Variants in ASAP1 observed in about 807,000 individuals in gnomAD.
ASAP1 encodes the protein ArfGAP with SH3 domain, ankyrin repeat and PH domain 1, also known as arf-GAP with SH3 domain, ANK repeat and PH domain-containing protein 1.
Under a neutral mutation model 145.2 loss-of-function variants are expected in ASAP1, and 43 were observed. The observed-to-expected ratio is 0.30, with a 90% confidence interval of 0.23 to 0.38. The LOEUF (loss-of-function observed/expected upper bound fraction) is 0.38. Ranked by LOEUF, ASAP1 falls within the 10% of genes least tolerant of loss-of-function variation. The probability of loss-of-function intolerance (pLI) is 1.00; values close to 1 mark genes in which losing one functional copy is unlikely to be tolerated. For missense variants in ASAP1, 1,018 were observed against 1,355.3 expected, an observed-to-expected ratio of 0.75 and a Z score of 3.91; for synonymous variants, 546 against 515.5, an observed-to-expected ratio of 1.06 and a Z score of -0.80.
chr8:130,345,832 C>A (rs1239563645), intron 3 of ASAP1, among the ~76,000 whole-genome samples: 1 of 152,198 alleles, frequency 6.6e-6, no homozygotes, highest in Admixed American at 6.5e-5. Flanking sequence ...CAAAAAGTGA[C>A]AGCCAACTCT....
chr8:130,430,613 G>A (rs894626251), intron 1 of ASAP1, among the ~76,000 whole-genome samples: 4 of 152,180 alleles, frequency 2.6e-5, no homozygotes, highest in African/African-American at 9.7e-5. Context: ...ATTTCCCTGA[G>A]GCAGCTCAGA....
chr8:130,246,834 C>T (rs1399417089), intron 3 of ASAP1: 1 of 152,214 alleles, frequency 6.6e-6, no homozygotes, highest in African/African-American at 2.4e-5. Flanking sequence ...CTGGGATGCT[C>T]ATTCTCTGCA....
chr8:130,322,679 C>T (rs1824081150), intron 3 of ASAP1, among the ~76,000 whole-genome samples: 1 of 152,156 alleles, frequency 6.6e-6, no homozygotes. Context: ...TCATTTAGTG[C>T]TTATTATGGC....
chr8:130,104,031 A>G (rs2097533051), intron 24 of ASAP1, among the ~76,000 whole-genome samples: 2 of 152,094 alleles, frequency 1.3e-5, no homozygotes, highest in South Asian at 4.1e-4. Context: ...TCTACCATAC[A>G]TTACAGCTAC....
intron 1 of ASAP1, among the ~76,000 whole-genome samples, chr8:130,438,655 G>A (rs952622703): frequency 6.6e-6 from 1 of 152,144 alleles, no homozygotes; most frequent in African/African-American, 2.4e-5. Flanking sequence ...AAGAGGCTGG[G>A]TGAGAAATTA....
intron 20 of ASAP1, among the ~76,000 whole-genome samples, 153 bp from the exon 21 acceptor site, chr8:130,117,148 A>C (rs1477033166): frequency 2.0e-5 from 3 of 152,262 alleles, no homozygotes; most frequent in African/African-American, 7.2e-5. Flanking sequence ...TAGATTTATA[A>C]GCAATACAGT....
At chr8:130,427,491 C>G (rs1829965786) in intron 1 of ASAP1, among the ~76,000 whole-genome samples, 1 of 152,160 alleles carries the variant, frequency 6.6e-6, no homozygotes, top group Admixed American at 6.5e-5. Context: ...TTATTCAGGG[C>G]CTCTCAGATG....
chr8:130,093,360 G>A (rs1364508426), intron 24 of ASAP1, among the ~76,000 whole-genome samples: 1 of 152,068 alleles, frequency 6.6e-6, no homozygotes, highest in Non-Finnish European at 1.5e-5. Flanking sequence ...AACTGCTTCT[G>A]TAAACGTTAA....
At chr8:130,109,370 T>C (rs2097543030) in intron 24 of ASAP1, among the ~76,000 whole-genome samples, 1 of 152,146 alleles carries the variant, frequency 6.6e-6, no homozygotes, top group African/African-American at 2.4e-5. Context: ...TGAATTTCGA[T>C]GAGGCAGCTG....
At chr8:130,086,592 T>G (rs1182627613) in intron 25 of ASAP1, among the ~76,000 whole-genome samples, 1 of 152,108 alleles carries the variant, frequency 6.6e-6, no homozygotes, top group Non-Finnish European at 1.5e-5. Flanking sequence ...ATCACATAAC[T>G]CAGGAGTTTG....
At chr8:130,168,211 CATAAT>C (rs1939419710) in intron 10 of ASAP1, among the ~76,000 whole-genome samples, 1 of 152,148 alleles carries the variant, frequency 6.6e-6, no homozygotes, top group African/African-American at 2.4e-5. Flanking sequence ...TACTCATACT[CATAAT>C]ATATACGCTT....
chr8:130,112,342 G>C lies in ASAP1; in HGVS notation c.2173-20C>G. The stretch of plus-strand genomic sequence containing the variant: ...GCTTGGCTGGCAGATGAAATAAGAA[G>C]GTGAGATAATAATCAAGGACCACCC... On this transcript the variant is annotated intron_variant, in intron 23 of 29. Coordinates refer to ENST00000518721, the MANE Select transcript of ASAP1 (RefSeq NM_018482.4). The C allele has an allele frequency of 6.2e-7, 1 of 1,607,864 alleles. No individual in the cohort carries two copies. Among genetic ancestry groups the C allele is most frequent in the Non-Finnish European group, 8.5e-7 (1 of 1,174,974 alleles).
intron 27 of ASAP1, among the ~76,000 whole-genome samples, chr8:130,072,825 G>GTGCATGTGCGCGCACGCGCGCA: frequency 5.5e-5 from 3 of 54,098 alleles, no homozygotes; most frequent in Non-Finnish European, 1.1e-4. Flanking sequence ...GTGTGTGTGT[G>GTGCATGTGCGCGCACGCGCGCA]CGCGCGGGGG....
At chr8:130,252,541 T>G (rs1029529478) in intron 3 of ASAP1, among the ~76,000 whole-genome samples, 6 of 152,174 alleles carry the variant, frequency 3.9e-5, no homozygotes, top group African/African-American at 1.4e-4. Flanking sequence ...GTACATACTC[T>G]CAGTAATCTC....
chr8:130,240,766 G>T (rs1243361638), intron 3 of ASAP1, among the ~76,000 whole-genome samples: 1 of 152,108 alleles, frequency 6.6e-6, no homozygotes, highest in East Asian at 1.9e-4. Context: ...TAAGGATCAG[G>T]GATGGTAGTC....
intron 27 of ASAP1, among the ~76,000 whole-genome samples, chr8:130,062,488 T>C (rs1281822905): frequency 6.6e-6 from 1 of 152,120 alleles, no homozygotes; most frequent in Non-Finnish European, 1.5e-5. Flanking sequence ...TGAATCTCGT[T>C]CCTCTCTTGG....
intron 27 of ASAP1, among the ~76,000 whole-genome samples, chr8:130,068,520 T>G (rs573691617): frequency 3.6e-4 from 54 of 152,024 alleles, no homozygotes; most frequent in Non-Finnish European, 7.1e-4. Context: ...ACTGTAAGAG[T>G]GACTAATTTA....
At chr8:130,271,267 T>G (rs940323012) in intron 3 of ASAP1, among the ~76,000 whole-genome samples, 1 of 152,220 alleles carries the variant, frequency 6.6e-6, no homozygotes, top group African/African-American at 2.4e-5. Context: ...GCACGTGTCA[T>G]GTTAAAGGGG....
Position 130,203,269 on chromosome 8 carries a change from A to G in ASAP1, c.405+11287T>C, listed in dbSNP as rs150123419. 4.4e-3 allele frequency among the ~76,000 whole-genome samples: 672 copies of G among 152,356 alleles called. 4 individuals carry two copies. The highest frequency in any genetic ancestry group is 0.037 in the Middle Eastern group (11 of 294). On this transcript the variant is annotated intron_variant, in intron 5 of 29. Coordinates refer to ENST00000518721, the MANE Select transcript of ASAP1 (RefSeq NM_018482.4). ...CAAGTTTCTTTATACTCTTGCTCCC[A>G]GGCAAGAAGATGCCAGATGCACTGG...
Sources: gnomAD v4.1 joint callset for allele counts (sites outside exome capture counted in the v4.1 genomes callset) on GRCh38, gnomAD v4.1.1 for gene constraint, MANE v1.5 for transcripts, NCBI Gene and HGNC (gene_info 2026-07-23, HGNC 2026-07-21) for gene names.